CNTN5: variants seen among roughly 807,000 people sequenced by gnomAD.
The protein encoded by CNTN5 is contactin-5.
In CNTN5, 77 loss-of-function variants were observed where a neutral mutation model predicts 129.1. The ratio of observed to expected loss-of-function variants is 0.60; its 90% CI spans 0.50 to 0.72. CNTN5 has a LOEUF of 0.72. Ranked by LOEUF, CNTN5 falls within the 30% of genes least tolerant of loss-of-function variation. The pLI is 0.00. For synonymous variants in CNTN5, 509 were observed against 465.6 expected, an observed-to-expected ratio of 1.09 and a Z score of -1.20; for missense variants, 1,478 against 1,328.8, an observed-to-expected ratio of 1.11 and a Z score of -1.75.
At chr11:100,326,489 T>C (rs1951789300) in intron 21 of CNTN5, among the ~76,000 whole-genome samples, 1 of 152,168 alleles carries the variant, frequency 6.6e-6, no homozygotes, top group African/African-American at 2.4e-5. Context: ...TATTTATTCA[T>C]CCATACACAT....
chr11:99,109,820 A>G (rs1857702895), intron 1 of CNTN5, among the ~76,000 whole-genome samples: 1 of 152,178 alleles, frequency 6.6e-6, no homozygotes, highest in African/African-American at 2.4e-5. Context: ...CAAAACCTCT[A>G]TATTAATGTG....
At chr11:100,298,148 C>G (rs915683153) in intron 19 of CNTN5, among the ~76,000 whole-genome samples, 1 of 151,258 alleles carries the variant, frequency 6.6e-6, no homozygotes, top group Non-Finnish European at 1.5e-5. Context: ...AAATAGCTCA[C>G]AGAGATCTTA....
chr11:99,643,570 G>A (rs1951845895), intron 3 of CNTN5, among the ~76,000 whole-genome samples: 1 of 152,078 alleles, frequency 6.6e-6, no homozygotes, highest in African/African-American at 2.4e-5. Context: ...ACAATAAATT[G>A]CAATGCATAA....
chr11:99,736,219 C>T (rs1310600786), intron 3 of CNTN5, among the ~76,000 whole-genome samples: 1 of 152,172 alleles, frequency 6.6e-6, no homozygotes, highest in Non-Finnish European at 1.5e-5. Context: ...AGAGGTTGCA[C>T]CTATGAACAG....
At chr11:99,483,689 C>CGG (rs545786004) in intron 2 of CNTN5, among the ~76,000 whole-genome samples, 3 of 150,258 alleles carry the variant, frequency 2.0e-5, no homozygotes, top group African/African-American at 7.3e-5. Flanking sequence ...TGTGGGGTTG[C>CGG]GGGGGTGTGC....
intron 3 of CNTN5, among the ~76,000 whole-genome samples, chr11:99,788,024 T>A (rs1413745497): frequency 3.3e-5 from 5 of 151,974 alleles, no homozygotes; most frequent in African/African-American, 7.2e-5. Context: ...CATGACTTGA[T>A]TAAACTTTCT....
chr11:99,696,890 A>T (rs1954293813), intron 3 of CNTN5, among the ~76,000 whole-genome samples: 1 of 151,942 alleles, frequency 6.6e-6, no homozygotes, highest in South Asian at 2.1e-4. Context: ...GTTTCTATGC[A>T]CATAATAGTT....
At chr11:100,280,159 C>A (rs1950604434) in intron 18 of CNTN5, among the ~76,000 whole-genome samples, 1 of 151,696 alleles carries the variant, frequency 6.6e-6, no homozygotes, top group Non-Finnish European at 1.5e-5. Context: ...TGTATTCAGT[C>A]ATTGGATAAA....
chr11:99,665,161 T>G (rs1244607449), intron 3 of CNTN5, among the ~76,000 whole-genome samples: 1 of 152,210 alleles, frequency 6.6e-6, no homozygotes, highest in Non-Finnish European at 1.5e-5. Flanking sequence ...ATCAAGAAAC[T>G]ATGTATTAAT....
intron 13 of CNTN5, among the ~76,000 whole-genome samples, chr11:100,160,309 C>G (rs1428095063): frequency 6.6e-6 from 1 of 151,918 alleles, no homozygotes; most frequent in Admixed American, 6.6e-5. Context: ...TTTTCGTTAT[C>G]CAGTCTCTCA....
intron 3 of CNTN5, among the ~76,000 whole-genome samples, chr11:99,608,796 A>C (rs1325480863): frequency 6.6e-6 from 1 of 152,138 alleles, no homozygotes; most frequent in Non-Finnish European, 1.5e-5. Context: ...CTTCTAGTTC[A>C]CATATGTATG....
intron 2 of CNTN5, among the ~76,000 whole-genome samples, chr11:99,499,519 C>A (rs1188868713): frequency 6.6e-6 from 1 of 152,142 alleles, no homozygotes; most frequent in Non-Finnish European, 1.5e-5. Context: ...TGCGTCCCGG[C>A]CTCCAGAACC....
At chr11:99,437,628 G>C (rs1045758322) in intron 2 of CNTN5, among the ~76,000 whole-genome samples, 5 of 152,252 alleles carry the variant, frequency 3.3e-5, no homozygotes, top group South Asian at 2.1e-4. Context: ...AGGAGTTTGA[G>C]ACCAGCCTGA....
At position 99,922,460 on chromosome 11, in the gene CNTN5, C is replaced by T. The variant is rs376852280; in HGVS notation, c.673+6311C>T. Among the ~76,000 whole-genome samples, 13 of 152,066 alleles carry T rather than the reference C, an allele frequency of 8.5e-5. No individual in the cohort carries two copies. In the East Asian group the frequency reaches 2.5e-3, roughly 29 times the overall value. On this transcript the variant is annotated intron_variant, in intron 7 of 24. Transcript: ENST00000524871. ...TTATTAGCAATGACTTCAACAACTG[C>T]CTTTGTTTGGGTGGAATGAGATTGA...
intron 3 of CNTN5, among the ~76,000 whole-genome samples, chr11:99,686,347 TAA>T (rs1953792997): frequency 6.6e-6 from 1 of 152,042 alleles, no homozygotes; most frequent in Non-Finnish European, 1.5e-5. Context: ...TTGTCTAAAA[TAA>T]GTTTATTTTT....
At chr11:99,983,183 G>A (rs143003452) in intron 8 of CNTN5, among the ~76,000 whole-genome samples, 2 of 152,308 alleles carry the variant, frequency 1.3e-5, no homozygotes, top group East Asian at 3.9e-4. Flanking sequence ...ACAAAGAATA[G>A]AGTGAATATA....
chr11:99,529,684 A>T (rs1474348485), intron 2 of CNTN5, among the ~76,000 whole-genome samples: 2 of 152,216 alleles, frequency 1.3e-5, no homozygotes, highest in East Asian at 3.8e-4. Context: ...TAATACAGAA[A>T]AAAATGAAAT....
chr11:100,329,226 T>C (rs977618673), intron 21 of CNTN5, among the ~76,000 whole-genome samples: 15 of 152,010 alleles, frequency 9.9e-5, no homozygotes, highest in African/African-American at 3.6e-4. Context: ...GGAATATAAC[T>C]CCACTGGACT....
intron 1 of CNTN5, among the ~76,000 whole-genome samples, chr11:99,024,734 C>A (rs1468349895): frequency 4.6e-5 from 7 of 151,906 alleles, no homozygotes; most frequent in Non-Finnish European, 8.8e-5. Context: ...GAACTGGGAA[C>A]TTTCCAGAGA....
Sources: allele counts gnomAD v4.1 joint callset (sites outside exome capture counted in the v4.1 genomes callset), GRCh38; gene constraint gnomAD v4.1.1; transcripts MANE v1.5; gene names NCBI Gene and HGNC (gene_info 2026-07-23, HGNC 2026-07-21).